MUC20: variants seen among roughly 807,000 people sequenced by gnomAD.
MUC20 encodes mucin 20, cell surface associated, also known as mucin-20.
In MUC20, 14 loss-of-function variants were observed where a neutral mutation model predicts 23.8. That is an observed-to-expected ratio of 0.59 (90% CI 0.39 to 0.92). The LOEUF (loss-of-function observed/expected upper bound fraction) is 0.92, where lower values mean the gene tolerates loss of function less well. Ranked by LOEUF, MUC20 falls within the 40% of genes least tolerant of loss-of-function variation. The pLI, the probability that MUC20 is intolerant of heterozygous loss-of-function variation, is 0.00. For synonymous variants in MUC20, 166 were observed against 279.3 expected (o/e 0.59, Z 4.04); for missense variants, 375 against 668.8 (o/e 0.56, Z 4.85).
At chr3:195,727,999 A>G (rs1001945475) in intron 2 of MUC20, among the ~76,000 whole-genome samples, 1 of 152,274 alleles carries the variant, frequency 6.6e-6, no homozygotes, top group African/African-American at 2.4e-5. Flanking sequence ...AGCTTTGCAT[A>G]TGTTATCTCC....
At chr3:195,730,531 T>C (rs1254692913) in intron 3 of MUC20, among the ~76,000 whole-genome samples, 3 of 152,080 alleles carry the variant, frequency 2.0e-5, no homozygotes, top group Non-Finnish European at 2.9e-5. Flanking sequence ...TTTTTTTTTT[T>C]AGTAGAGACG....
chr3:195,722,011 A>G (rs79887966), intron 1 of MUC20: 8,819 of 113,722 alleles, frequency 0.078, 1 homozygote, highest in East Asian at 0.14. Context: ...TGGGCAACAA[A>G]AGTGAAACTA....
At position 195,733,303 on chromosome 3, in the gene MUC20, T is replaced by G; in HGVS notation, c.*85T>G. Reference sequence around the variant, plus strand: ...TGGGCCCCCACCGACAGACTGCAGCTGCGTTACTGTGCTGAGAGGTACCCA... The same window carrying G: ...TGGGCCCCCACCGACAGACTGCAGCGGCGTTACTGTGCTGAGAGGTACCCA... On this transcript the variant is annotated 3_prime_UTR_variant, in exon 4 of 4. Coordinates refer to ENST00000447234, the MANE Select transcript of MUC20 (RefSeq NM_001282506.2). 1.3e-6 allele frequency: 2 copies of G among 1,546,906 alleles called. No individual in the cohort carries two copies. Among genetic ancestry groups the G allele is most frequent in the Non-Finnish European group, 8.7e-7 (1 of 1,144,448 alleles).
intron 3 of MUC20, among the ~76,000 whole-genome samples, chr3:195,730,502 C>T (rs917796255): frequency 1.9e-4 from 29 of 151,760 alleles, no homozygotes; most frequent in African/African-American, 5.8e-4. Flanking sequence ...CCCGCCACCA[C>T]GCCCAACTAA....
intron 2 of MUC20, among the ~76,000 whole-genome samples, chr3:195,728,859 A>G (rs1295594566): frequency 6.6e-6 from 1 of 152,326 alleles, no homozygotes; most frequent in East Asian, 1.9e-4. Context: ...ACTTCTACCA[A>G]GTATACTGCT....
At chr3:195,721,327 G>GTGTGTGTGTGTGTGAGTGTAC (rs1712071952) in intron 1 of MUC20, among the ~76,000 whole-genome samples, 1 of 152,166 alleles carries the variant, frequency 6.6e-6, no homozygotes, top group Non-Finnish European at 1.5e-5. Flanking sequence ...GAGTGTAAGC[G>GTGTGTGTGTGTGTGAGTGTAC]TGCCTGGCGC....
chr3:195,727,466 G>A (rs1217035620), intron 2 of MUC20, among the ~76,000 whole-genome samples: 1 of 152,280 alleles, frequency 6.6e-6, no homozygotes, highest in Non-Finnish European at 1.5e-5. Flanking sequence ...CAGGGGAGAA[G>A]TTCATTGTCA....
chr3:195,730,384 C>T lies in MUC20; in HGVS notation c.2061+645C>T, dbSNP rs910938514. On this transcript the variant is annotated intron_variant, in intron 3 of 3. Coordinates refer to ENST00000447234, the MANE Select transcript of MUC20 (RefSeq NM_001282506.2). ...TTTTTGAGACGAAGTCTCGCTCTGT[C>T]GCCCAGGCTGGAGTGCAGTGGTGCG... 3.9e-5 allele frequency among the ~76,000 whole-genome samples: 6 copies of T among 152,360 alleles called. 1 individual carries two copies. The South Asian group carries it at 8.3e-4, about 21-fold the overall frequency.
rs539711653 is a variant in MUC20, at chr3:195,732,490, G to C, written c.2062-660G>C. On this transcript the variant is annotated intron_variant, in intron 3 of 3. Coordinates refer to ENST00000447234, the MANE Select transcript of MUC20 (RefSeq NM_001282506.2). ...TTCTCCTGCCTCAACCTCCCTAGTA[G>C]CTGGGATTACAGGTGCACACTACCA... 5.9e-5 allele frequency among the ~76,000 whole-genome samples: 9 copies of C among 152,320 alleles called. No individual in the cohort carries two copies. The East Asian group carries it at 9.6e-4, about 16-fold the overall frequency.
Position 195,729,714 on chromosome 3 carries a change from G to C in MUC20, c.2036G>C (p.Arg679Thr), listed in dbSNP as rs1464084607. Residue 679 changes from arginine to threonine, a missense_variant, in exon 3 of 4, where the codon AGA (arginine) becomes ACA (threonine). Coordinates refer to ENST00000447234, the MANE Select transcript of MUC20 (RefSeq NM_001282506.2). ...VASPEDLTDPRVAERLMQQLH... is the reference protein window; with the variant it reads ...VASPEDLTDPTVAERLMQQLH... ...TCCCCGGAAGACCTCACTGACCCCA[G>C]AGTGGCAGAAAGGCTGATGCAGCAG... is the stretch of plus-strand genomic sequence containing the variant. The C allele has an allele frequency of 1.3e-6, 2 of 1,598,488 alleles. No homozygotes were observed. The highest frequency in any genetic ancestry group is 1.7e-6 in the Non-Finnish European group (2 of 1,171,980).
intron 3 of MUC20, among the ~76,000 whole-genome samples, chr3:195,731,086 C>T (rs1713340007): frequency 6.6e-6 from 1 of 152,322 alleles, no homozygotes; most frequent in African/African-American, 2.4e-5. Context: ...GAAAACAGGC[C>T]CAGTGCACAG....
At chr3:195,728,704 A>C (rs1200866143) in intron 2 of MUC20, among the ~76,000 whole-genome samples, 1 of 151,102 alleles carries the variant, frequency 6.6e-6, no homozygotes, top group African/African-American at 2.4e-5. Context: ...GGGGACGGTC[A>C]GGTCTTTGTC....
At chr3:195,729,506 G>T (rs1713133989) in intron 2 of MUC20, 142 bp from the exon 3 acceptor site, 1 of 767,966 alleles carries the variant, frequency 1.3e-6, no homozygotes, top group Admixed American at 2.4e-5. Context: ...AGTAAAGACG[G>T]GATTTCTCCA....
rs1238812107 is a variant in MUC20 at position 195,729,637 on chromosome 3, T to C, written c.1970-11T>C. The C allele has an allele frequency of 1.3e-6, 2 of 1,568,214 alleles. No homozygotes were observed. The highest frequency in any genetic ancestry group is 2.3e-5 in the South Asian group (2 of 85,226). On this transcript the variant is annotated splice_polypyrimidine_tract_variant and intron_variant, in intron 2 of 3. Transcript: ENST00000447234. ...AGCCCTGATTTTCATCTTACTGTTC[T>C]CCATTTGCAGGTGAAAATGGAGGTT...
At position 195,729,654 on chromosome 3, in the gene MUC20, A is replaced by G. The variant is rs368139367; in HGVS notation, c.1976A>G (p.Asn659Ser). 309 of 1,580,470 alleles carry G rather than the reference A, an allele frequency of 2.0e-4. No homozygotes were observed. Among genetic ancestry groups the G allele is most frequent in the Non-Finnish European group, 2.4e-4 (282 of 1,161,800 alleles). ...RPTTDVSAGE[N>S]GGFLLLRLSV... ...TACTGTTCTCCATTTGCAGGTGAAA[A>G]TGGAGGTTTCCTCCTCCTGCGGCTG... The change falls in exon 3 of 4, where the codon AAT becomes AGT. Residue 659 changes from asparagine (N) to serine (S), a missense_variant. Transcript: ENST00000447234.
intron 1 of MUC20, among the ~76,000 whole-genome samples, chr3:195,723,001 A>G (rs1371017459): frequency 3.2e-5 from 4 of 125,590 alleles, no homozygotes; most frequent in Admixed American, 1.5e-4. Flanking sequence ...TGGGCTTTGG[A>G]ATATAAGCCC....
At chr3:195,727,710 C>G (rs762455226) in intron 2 of MUC20, among the ~76,000 whole-genome samples, 42 of 152,286 alleles carry the variant, frequency 2.8e-4, no homozygotes, top group Non-Finnish European at 4.7e-4. Context: ...AAGCACTGGC[C>G]CCAGCAGAAC....
Position 195,729,737 on chromosome 3 carries a change from C to A in MUC20, c.2059C>A (p.Gln687Lys). 1 of 1,593,766 alleles carries A rather than the reference C, an allele frequency of 6.3e-7. No homozygotes were observed. Among genetic ancestry groups the A allele is most frequent in the South Asian group, 1.1e-5 (1 of 87,810 alleles). ...CAGAGTGGCAGAAAGGCTGATGCAG[C>A]AGGTGAGTGGGCACTTTCCGGGCCA... ...DPRVAERLMQ[Q>K]LHRELHAHAP... Residue 687 changes from glutamine to lysine, a missense_variant and splice_region_variant, in exon 3 of 4, where the codon CAG (glutamine) becomes AAG (lysine). By Grantham distance (53) the Gln-to-Lys change is moderately conservative (BLOSUM62 1). Coordinates refer to ENST00000447234, the MANE Select transcript of MUC20 (RefSeq NM_001282506.2).
At position 195,726,074 on chromosome 3, in the gene MUC20, G is replaced by C. The variant is rs1712605081; in HGVS notation, c.1471G>C (p.Ala491Pro). Residue 491 changes from alanine to proline, a missense_variant, in exon 2 of 4, where the codon GCA becomes CCA. Transcript: ENST00000447234. ...LSTAGTTESA[A>P]PDATVGTPLP... ...CACAGCCGGCACCACAGAGTCAGCT[G>C]CACCTGATGCCACGGTTGGGACCCC... 6.2e-7 allele frequency: 1 copy of C among 1,613,310 alleles called. No individual in the cohort carries two copies. The highest frequency in any genetic ancestry group is 1.3e-5 in the African/African-American group (1 of 74,934).
Sources: allele counts gnomAD v4.1 joint callset (sites outside exome capture counted in the v4.1 genomes callset), GRCh38; gene constraint gnomAD v4.1.1; transcripts MANE v1.5; gene names NCBI Gene and HGNC (gene_info 2026-07-23, HGNC 2026-07-21).